FEZ2: variants seen among roughly 807,000 people sequenced by gnomAD.
FEZ2 encodes fasciculation and elongation protein zeta 2, also known as fasciculation and elongation protein zeta-2.
A neutral mutation model predicts 40.4 loss-of-function variants in FEZ2; 51 were observed. The ratio of observed to expected loss-of-function variants is 1.26; its 90% CI spans 1.01 to 1.59. FEZ2 has a LOEUF of 1.59. Ranked by LOEUF, FEZ2 falls within the 40% of genes most tolerant of loss-of-function variation. FEZ2 has a pLI of 0.00. For synonymous variants in FEZ2, 242 were observed against 172.0 expected (o/e 1.41, Z -3.18); for missense variants, 640 against 438.3 (o/e 1.46, Z -4.11).
intron 5 of FEZ2, among the ~76,000 whole-genome samples, chr2:36,575,605 A>C (rs1422354534): frequency 1.3e-5 from 2 of 152,230 alleles, no homozygotes; most frequent in Non-Finnish European, 2.9e-5. Context: ...TAAAACTCCA[A>C]TCAAAATCAT....
chr2:36,558,103 T>C (rs530544118), intron 6 of FEZ2: 1 of 167,326 alleles, frequency 6.0e-6, no homozygotes, highest in Admixed American at 6.3e-5. Flanking sequence ...CATAGATATA[T>C]AAGATCCATA....
chr2:36,585,589 T>C (rs1668878813), intron 2 of FEZ2, among the ~76,000 whole-genome samples: 1 of 152,192 alleles, frequency 6.6e-6, no homozygotes, highest in Non-Finnish European at 1.5e-5. Context: ...CTATTGAGGC[T>C]GAACTGGTCA....
intron 6 of FEZ2, chr2:36,556,710 T>C (rs1338736616): frequency 6.6e-6 from 1 of 152,244 alleles, no homozygotes; most frequent in African/African-American, 2.4e-5. Context: ...AGGACTAAGC[T>C]ACTAATTCAG....
chr2:36,587,624 T>C (rs1558458002), intron 2 of FEZ2, among the ~76,000 whole-genome samples: 1 of 151,104 alleles, frequency 6.6e-6, no homozygotes, highest in African/African-American at 2.5e-5. Context: ...TGAATGTTTT[T>C]CTCTTTTTAA....
rs189078080 is a variant in FEZ2 at position 36,560,753 on chromosome 2, A to G, written c.904-2240T>C. On this transcript the variant is annotated intron_variant, in intron 5 of 7. Transcript: ENST00000405912. ...TCACTTACACAGAAAATGAAAAAGC[A>G]GAGAATGAGGAAAATAAGGATAACC... The G allele has an allele frequency of 2.2e-5, 31 of 1,395,868 alleles. 1 individual carries two copies. In the Admixed American group the frequency reaches 5.0e-4, roughly 23 times the overall value. 86.5% of individuals were successfully genotyped at this position (1,395,868 alleles called of 1,614,324 possible).
chr2:36,583,975 C>A (rs947850660), intron 2 of FEZ2: 10 of 152,770 alleles, frequency 6.5e-5, no homozygotes, highest in African/African-American at 2.4e-4. Context: ...AAAATAATAA[C>A]CCTAGGTTCC....
intron 1 of FEZ2, among the ~76,000 whole-genome samples, chr2:36,591,865 C>T (rs1055578549): frequency 8.5e-5 from 13 of 152,132 alleles, no homozygotes; most frequent in Non-Finnish European, 1.5e-4. Context: ...GAGACCTGGA[C>T]AAGAAGCAGA....
intron 3 of FEZ2, among the ~76,000 whole-genome samples, chr2:36,582,456 T>TA (rs996092563): frequency 1.3e-5 from 2 of 152,078 alleles, no homozygotes; most frequent in Non-Finnish European, 2.9e-5. Flanking sequence ...TTCTAACTCT[T>TA]AAAAAAAGGG....
In FEZ2 at chr2:36,590,987, A is replaced by C; in HGVS notation, c.291T>G (p.Asn97Lys). Residue 97 changes from asparagine to lysine, a missense_variant, in exon 2 of 8, where the codon AAT becomes AAG. Coordinates refer to ENST00000405912, the MANE Select transcript of FEZ2 (RefSeq NM_005102.3). Reference protein sequence around the residue: ...GDEIWNALTDNYGNVMPVDWK... With the variant: ...GDEIWNALTDKYGNVMPVDWK... Reference sequence around the variant, plus strand: ...AGTCTACAGGCATCACATTCCCATAATTATCTGTCAGGGCATTCCAAATCC... The same window carrying C: ...AGTCTACAGGCATCACATTCCCATACTTATCTGTCAGGGCATTCCAAATCC... 1 of 1,610,164 alleles carries C rather than the reference A, an allele frequency of 6.2e-7. No individual in the cohort carries two copies. The highest frequency in any genetic ancestry group is 8.5e-7 in the Non-Finnish European group (1 of 1,176,358).
intron 5 of FEZ2, among the ~76,000 whole-genome samples, chr2:36,570,149 C>G (rs2125227870): frequency 1.3e-5 from 2 of 151,942 alleles, no homozygotes; most frequent in South Asian, 4.2e-4. Flanking sequence ...AAAGTAATAT[C>G]TTGTTTTAAT....
intron 5 of FEZ2, chr2:36,561,015 GCT>G (rs776558632): frequency 2.9e-4 from 142 of 483,408 alleles, no homozygotes; most frequent in Non-Finnish European, 3.0e-4. Context: ...ATAAACCCAT[GCT>G]CTTTTTAAAA....
chr2:36,587,792 A>G (rs897734354), intron 2 of FEZ2, among the ~76,000 whole-genome samples: 1 of 152,114 alleles, frequency 6.6e-6, no homozygotes, highest in African/African-American at 2.4e-5. Context: ...TCACTTTGCC[A>G]GATTAAAAAA....
intron 1 of FEZ2, chr2:36,594,447 G>T: frequency 5.0e-6 from 1 of 199,352 alleles, no homozygotes; most frequent in South Asian, 1.1e-4. Flanking sequence ...TCAGAATCAT[G>T]GCAGGAGGCA....
chr2:36,554,984 A>G lies in FEZ2; in HGVS notation c.1045+699T>C, dbSNP rs1667917651. 2.0e-5 allele frequency among the ~76,000 whole-genome samples: 3 copies of G among 152,246 alleles called. No individual in the cohort carries two copies. The South Asian group carries it at 6.2e-4, about 32-fold the overall frequency. On this transcript the variant is annotated intron_variant, in intron 7 of 7. Coordinates refer to ENST00000405912, the MANE Select transcript of FEZ2 (RefSeq NM_005102.3). The stretch of plus-strand genomic sequence containing the variant: ...CTGGTCCCTGAATACCTGCTACTTT[A>G]AAAAAATATTTCATCGTAAAGTATT...
At chr2:36,562,737 A>G (rs1668125604) in intron 5 of FEZ2, among the ~76,000 whole-genome samples, 1 of 152,234 alleles carries the variant, frequency 6.6e-6, no homozygotes, top group African/African-American at 2.4e-5. Context: ...ATCAAATGAG[A>G]TAACATCTTA....
chr2:36,564,850 G>A (rs1453638528), intron 5 of FEZ2, among the ~76,000 whole-genome samples: 3 of 152,188 alleles, frequency 2.0e-5, no homozygotes, highest in Non-Finnish European at 4.4e-5. Context: ...TATGGAATAT[G>A]TCCATTCTCT....
chr2:36,579,838 A>T (rs1173390007), intron 4 of FEZ2, among the ~76,000 whole-genome samples: 3 of 152,214 alleles, frequency 2.0e-5, no homozygotes, highest in Non-Finnish European at 4.4e-5. Flanking sequence ...CCCTTGTGAC[A>T]GATAGGACAC....
At chr2:36,561,647 T>G (rs1668094826) in intron 5 of FEZ2, 1 of 152,182 alleles carries the variant, frequency 6.6e-6, no homozygotes, top group Non-Finnish European at 1.5e-5. Context: ...GTAAAAAGCG[T>G]CTGGTGGCAC....
intron 1 of FEZ2, among the ~76,000 whole-genome samples, chr2:36,593,871 G>A (rs886547976): frequency 4.6e-5 from 7 of 151,396 alleles, no homozygotes; most frequent in African/African-American, 7.3e-5. Context: ...CGCATAGTCA[G>A]GCTGCAAATT....
Sources: gnomAD v4.1 joint callset for allele counts (sites outside exome capture counted in the v4.1 genomes callset) on GRCh38, gnomAD v4.1.1 for gene constraint, MANE v1.5 for transcripts, NCBI Gene and HGNC (gene_info 2026-07-23, HGNC 2026-07-21) for gene names.